The following LRMDA variants were observed in gnomAD, a reference collection of about 807,000 sequenced individuals.
LRMDA encodes leucine rich melanocyte differentiation associated, also known as leucine-rich melanocyte differentiation-associated protein.
In LRMDA, 18 loss-of-function variants were observed where a neutral mutation model predicts 29.8. The observed-to-expected ratio is 0.60, with a 90% CI of 0.42 to 0.90. The LOEUF (loss-of-function observed/expected upper bound fraction) is 0.90, where lower values mean the gene tolerates loss of function less well. Among genes scored for constraint, LRMDA ranks in the 40% least tolerant of loss-of-function variants. The pLI is 0.00. For synonymous variants in LRMDA, 125 were observed against 109.4 expected (o/e 1.14, Z -0.89); for missense variants, 273 against 273.9 (o/e 1.00, Z 0.02).
chr10:76,476,536 A>C (rs1399608831), intron 6 of LRMDA, among the ~76,000 whole-genome samples: 17 of 152,156 alleles, frequency 1.1e-4, no homozygotes, highest in South Asian at 6.2e-4. Flanking sequence ...GGGAATCCTC[A>C]CTAACTCATT....
intron 5 of LRMDA, among the ~76,000 whole-genome samples, chr10:76,241,015 A>G (rs932486584): frequency 2.0e-5 from 3 of 152,092 alleles, no homozygotes; most frequent in East Asian, 1.9e-4. Context: ...TCAGGAATGG[A>G]AAACCAAACA....
At chr10:76,268,844 C>A (rs1227906513) in intron 5 of LRMDA, among the ~76,000 whole-genome samples, 1 of 152,044 alleles carries the variant, frequency 6.6e-6, no homozygotes, top group East Asian at 1.9e-4. Flanking sequence ...GAGTGTATCT[C>A]TCCTGTGTTT....
intron 2 of LRMDA, among the ~76,000 whole-genome samples, chr10:75,612,548 T>C (rs1308169884): frequency 1.3e-5 from 2 of 151,818 alleles, no homozygotes. Flanking sequence ...TTTTGTTTAT[T>C]ATGTATGATG....
chr10:76,158,220 A>G (rs1263449924), intron 5 of LRMDA, among the ~76,000 whole-genome samples: 4 of 152,128 alleles, frequency 2.6e-5, no homozygotes, highest in African/African-American at 4.8e-5. Context: ...ATTGTACTTT[A>G]GACAGACCAT....
intron 6 of LRMDA, among the ~76,000 whole-genome samples, chr10:76,472,762 A>G (rs923589844): frequency 1.3e-5 from 2 of 151,598 alleles, no homozygotes; most frequent in Non-Finnish European, 3.0e-5. Context: ...ATTAAATGCC[A>G]ATGAATTAGA....
chr10:76,076,645 C>T (rs1429935907), intron 5 of LRMDA, among the ~76,000 whole-genome samples: 1 of 152,012 alleles, frequency 6.6e-6, no homozygotes, highest in Non-Finnish European at 1.5e-5. Context: ...CGAACTTGGG[C>T]CTCCTCTTGG....
intron 6 of LRMDA, among the ~76,000 whole-genome samples, chr10:76,521,350 A>G (rs1351056552): frequency 2.0e-5 from 3 of 152,046 alleles, no homozygotes; most frequent in Non-Finnish European, 2.9e-5. Context: ...TAACCAGGAT[A>G]GTCTCAATCT....
intron 5 of LRMDA, among the ~76,000 whole-genome samples, chr10:76,214,496 C>T (rs1449753019): frequency 6.6e-6 from 1 of 151,812 alleles, no homozygotes; most frequent in East Asian, 1.9e-4. Flanking sequence ...AGGCGCCCAC[C>T]ACCGCGCCCG....
At chr10:75,577,580 T>C (rs560816628) in intron 2 of LRMDA, among the ~76,000 whole-genome samples, 1 of 152,084 alleles carries the variant, frequency 6.6e-6, no homozygotes, top group South Asian at 2.1e-4. Flanking sequence ...CCAAGACACA[T>C]AATTGTCAGA....
intron 2 of LRMDA, among the ~76,000 whole-genome samples, chr10:75,925,254 T>C (rs2132394409): frequency 6.6e-6 from 1 of 152,314 alleles, no homozygotes; most frequent in East Asian, 1.9e-4. Flanking sequence ...TAATTTATTA[T>C]TCCTTCTTCA....
chr10:75,851,314 G>T (rs1220230395), intron 2 of LRMDA, among the ~76,000 whole-genome samples: 1 of 152,154 alleles, frequency 6.6e-6, no homozygotes, highest in African/African-American at 2.4e-5. Flanking sequence ...GTGATGCTGG[G>T]CTACTCAGAC....
intron 2 of LRMDA, among the ~76,000 whole-genome samples, chr10:75,983,112 G>T (rs1847202550): frequency 6.6e-6 from 1 of 152,148 alleles, no homozygotes; most frequent in Non-Finnish European, 1.5e-5. Context: ...CCACTTGAAG[G>T]CAGGGGGGAG....
At chr10:76,153,132 C>A (rs1224875164) in intron 5 of LRMDA, among the ~76,000 whole-genome samples, 1 of 152,118 alleles carries the variant, frequency 6.6e-6, no homozygotes, top group Non-Finnish European at 1.5e-5. Flanking sequence ...AGCCACCACG[C>A]CTGGCCTTTT....
intron 2 of LRMDA, among the ~76,000 whole-genome samples, chr10:75,534,191 C>T (rs915645422): frequency 6.6e-6 from 1 of 152,064 alleles, no homozygotes; most frequent in African/African-American, 2.4e-5. Context: ...TGCCCTGATG[C>T]GCAATTGTGA....
At position 76,019,232 on chromosome 10, in the gene LRMDA, G is replaced by A. The variant is rs147705153; in HGVS notation, c.132-16776G>A. 2.8e-4 allele frequency among the ~76,000 whole-genome samples: 42 copies of A among 152,194 alleles called. No individual in the cohort carries two copies. The East Asian group carries it at 5.8e-3, about 21-fold the overall frequency. The stretch of plus-strand genomic sequence containing the variant: ...GTGCTCTCTGATTCCTTCAGTCCTC[G>A]CCACTCCTTATTGTCATATGTGCAT... On this transcript the variant is annotated intron_variant, in intron 2 of 6. Coordinates refer to ENST00000611255, the MANE Select transcript of LRMDA (RefSeq NM_001305581.2).
chr10:76,330,289 A>G (rs141187155), intron 6 of LRMDA, among the ~76,000 whole-genome samples: 37 of 152,308 alleles, frequency 2.4e-4, no homozygotes, highest in Non-Finnish European at 4.7e-4. Context: ...TAGAAATGAA[A>G]GGGAAAACTA....
At chr10:76,389,557 C>T (rs1177080242) in intron 6 of LRMDA, among the ~76,000 whole-genome samples, 3 of 152,174 alleles carry the variant, frequency 2.0e-5, no homozygotes, top group African/African-American at 7.2e-5. Context: ...TGTGGTACCA[C>T]GATGACCACC....
chr10:76,229,863 C>G (rs12161684), intron 5 of LRMDA, among the ~76,000 whole-genome samples: 1 of 151,888 alleles, frequency 6.6e-6, no homozygotes, highest in Admixed American at 6.6e-5. Flanking sequence ...GAGCCATTTT[C>G]GACTTCACCA....
rs114115993 is a variant in LRMDA, at chr10:76,214,640, G to A, written c.517-109761G>A. Among the ~76,000 whole-genome samples the A allele has an allele frequency of 2.7e-3, 407 of 152,192 alleles. 2 individuals are homozygous for A. The highest frequency in any genetic ancestry group is 9.5e-3 in the African/African-American group (393 of 41,518). On this transcript the variant is annotated intron_variant, in intron 5 of 6. Transcript: ENST00000611255. Reference sequence around the variant, plus strand: ...ATTACAGGTGTGAGCCACCGCGCCCGGCCGCAACATCATTTCTTAATAGCT... The same window carrying A: ...ATTACAGGTGTGAGCCACCGCGCCCAGCCGCAACATCATTTCTTAATAGCT...
Sources: allele counts gnomAD v4.1 joint callset (sites outside exome capture counted in the v4.1 genomes callset), GRCh38; gene constraint gnomAD v4.1.1; transcripts MANE v1.5; gene names NCBI Gene and HGNC (gene_info 2026-07-23, HGNC 2026-07-21).